Variants in CADM1 observed in about 807,000 individuals in gnomAD.
The protein encoded by CADM1 is TSLC-1.
A neutral mutation model predicts 53.1 loss-of-function variants in CADM1; 15 were observed. The ratio of observed to expected loss-of-function variants is 0.28; its 90% confidence interval spans 0.19 to 0.44. The LOEUF is 0.44. Among genes scored for constraint, CADM1 ranks in the 20% least tolerant of loss-of-function variants. CADM1 has a pLI of 1.00. For synonymous variants in CADM1, 281 were observed against 243.0 expected, an observed-to-expected ratio of 1.16 and a Z score of -1.45; for missense variants, 434 against 611.3, an observed-to-expected ratio of 0.71 and a Z score of 3.06.
At chr11:115,450,218 C>T (rs915390613) in intron 1 of CADM1, among the ~76,000 whole-genome samples, 1 of 152,130 alleles carries the variant, frequency 6.6e-6, no homozygotes, top group African/African-American at 2.4e-5. Context: ...TTTCAGCCTT[C>T]AGTGGAAGAT....
intron 1 of CADM1, among the ~76,000 whole-genome samples, chr11:115,340,652 A>ATTT (rs1310417030): frequency 9.8e-5 from 4 of 40,848 alleles, no homozygotes; most frequent in Admixed American, 3.2e-4. Flanking sequence ...ATATATATAT[A>ATTT]TATATATTTT....
chr11:115,440,458 A>G (rs1242852181), intron 1 of CADM1, among the ~76,000 whole-genome samples: 2 of 152,260 alleles, frequency 1.3e-5, no homozygotes, highest in African/African-American at 4.8e-5. Context: ...GAGAAAATCA[A>G]TCAAATTCAA....
chr11:115,504,105 CCTCAGCCCCTTCCCT>C (rs1237305105), intron 1 of CADM1, among the ~76,000 whole-genome samples, 151 bp downstream of exon 1: 1 of 152,152 alleles, frequency 6.6e-6, no homozygotes, highest in African/African-American at 2.4e-5. Flanking sequence ...TCACAGATGC[CCTCAGCCCCTTCCCT>C]CTCAGCCCTG....
chr11:115,323,717 G>C (rs1043715125), intron 1 of CADM1, among the ~76,000 whole-genome samples: 4 of 152,154 alleles, frequency 2.6e-5, no homozygotes, highest in African/African-American at 9.7e-5. Context: ...GTGTTGAACT[G>C]AGAAAGATAA....
intron 1 of CADM1, among the ~76,000 whole-genome samples, chr11:115,337,753 C>G (rs1023102803): frequency 6.6e-6 from 1 of 151,994 alleles, no homozygotes; most frequent in Non-Finnish European, 1.5e-5. Context: ...ATTAATACAC[C>G]ATGGAGTAGT....
At chr11:115,230,402 C>T (rs555807143) in intron 4 of CADM1, among the ~76,000 whole-genome samples, 8 of 152,258 alleles carry the variant, frequency 5.3e-5, no homozygotes, top group African/African-American at 1.9e-4. Flanking sequence ...ACGATTAACC[C>T]TATTTTAGAG....
chr11:115,290,460 T>C (rs1943859441), intron 1 of CADM1, among the ~76,000 whole-genome samples: 1 of 152,206 alleles, frequency 6.6e-6, no homozygotes, highest in South Asian at 2.1e-4. Context: ...GAAATGCATT[T>C]TTTTAAACCT....
intron 1 of CADM1, among the ~76,000 whole-genome samples, chr11:115,245,709 C>A (rs1469252931): frequency 6.6e-6 from 1 of 152,178 alleles, no homozygotes; most frequent in Non-Finnish European, 1.5e-5. Flanking sequence ...TGCTGAAACC[C>A]AGAGGGAAAA....
In CADM1 at chr11:115,504,301, G is replaced by A. The variant is rs770495012; in HGVS notation, c.94C>T (p.Leu32Phe). The change falls in exon 1 of 12, where the codon CTC (leucine) becomes TTC (phenylalanine). Residue 32 changes from leucine (L) to phenylalanine (F), a missense_variant. Transcript: ENST00000331581. ...PGLRLRLLLL[L>F]FSAAALIPTG... Reference sequence around the variant, plus strand: ...GGGATCAGTGCCGCGGCGGAGAAGAGCAACAGCAGAAGCCGGAGCCGGAGC... The same window carrying A: ...GGGATCAGTGCCGCGGCGGAGAAGAACAACAGCAGAAGCCGGAGCCGGAGC... 1.3e-5 allele frequency: 21 copies of A among 1,565,684 alleles called. No homozygotes were observed. In the African/African-American group the frequency reaches 2.6e-4, roughly 19 times the overall value.
At chr11:115,312,075 A>C (rs1591698090) in intron 1 of CADM1, among the ~76,000 whole-genome samples, 1 of 152,132 alleles carries the variant, frequency 6.6e-6, no homozygotes, top group East Asian at 1.9e-4. Flanking sequence ...CAAGAAGCTC[A>C]CAGTCTGGTA....
intron 1 of CADM1, among the ~76,000 whole-genome samples, chr11:115,502,907 G>A (rs1026389615): frequency 6.6e-6 from 1 of 152,188 alleles, no homozygotes; most frequent in African/African-American, 2.4e-5. Context: ...GTGCCCGCCC[G>A]GGCCTGGGGC....
Position 115,240,317 on chromosome 11 carries a change from T to C in CADM1, c.228A>G (p.Leu76=), listed in dbSNP as rs185737925. The C allele has an allele frequency of 1.2e-6, 2 of 1,613,574 alleles. No homozygotes were observed. Among genetic ancestry groups the C allele is most frequent in the Non-Finnish European group, 1.7e-6 (2 of 1,179,632 alleles). Residue 76 remains leucine (L), a synonymous_variant, in exon 2 of 12, where the codon CTA becomes CTG. Transcript: ENST00000331581. ...AAATGGTCTGCCTGTTGGGATTCAG[T>C]AGCTGAATCACAGAGTCGTCACTCT... ...VNKSDDSVIQ[L]LNPNRQTIYF... is the part of the protein sequence containing the mutation.
chr11:115,295,361 C>T (rs1224798557), intron 1 of CADM1, among the ~76,000 whole-genome samples: 3 of 151,610 alleles, frequency 2.0e-5, no homozygotes, highest in Non-Finnish European at 4.4e-5. Context: ...GTACATTCCA[C>T]ATCCTTGAGG....
intron 1 of CADM1, among the ~76,000 whole-genome samples, chr11:115,329,618 AGTG>A (rs1458670777): frequency 6.6e-6 from 1 of 152,092 alleles, no homozygotes; most frequent in African/African-American, 2.4e-5. Context: ...CCAAAGCCCC[AGTG>A]GGTGTGCTAC....
At chr11:115,424,920 C>T (rs1947853779) in intron 1 of CADM1, among the ~76,000 whole-genome samples, 1 of 152,224 alleles carries the variant, frequency 6.6e-6, no homozygotes, top group East Asian at 1.9e-4. Context: ...TCAAAATATG[C>T]ATCAGTATAT....
chr11:115,225,294 T>C (rs1215414725), intron 5 of CADM1, among the ~76,000 whole-genome samples: 2 of 143,470 alleles, frequency 1.4e-5, no homozygotes, highest in African/African-American at 4.9e-5. Flanking sequence ...TGTGGTGCCT[T>C]TCATATTTAT....
chr11:115,370,222 GT>G (rs1171447060), intron 1 of CADM1, among the ~76,000 whole-genome samples: 1 of 152,130 alleles, frequency 6.6e-6, no homozygotes, highest in Non-Finnish European at 1.5e-5. Context: ...GCCTAGAGGG[GT>G]AAGAAAGAGA....
chr11:115,494,123 G>A (rs1949557878), intron 1 of CADM1, among the ~76,000 whole-genome samples: 1 of 152,132 alleles, frequency 6.6e-6, no homozygotes, highest in South Asian at 2.1e-4. Flanking sequence ...GAGTATGTGT[G>A]TATACATTAT....
At chr11:115,319,292 C>T (rs1249376142) in intron 1 of CADM1, among the ~76,000 whole-genome samples, 3 of 152,098 alleles carry the variant, frequency 2.0e-5, no homozygotes, top group Non-Finnish European at 4.4e-5. Context: ...TTTGTCTTTC[C>T]TGCTGCCTAA....
Sources: allele counts gnomAD v4.1 joint callset (sites outside exome capture counted in the v4.1 genomes callset), GRCh38; gene constraint gnomAD v4.1.1; transcripts MANE v1.5; gene names NCBI Gene and HGNC (gene_info 2026-07-23, HGNC 2026-07-21).